The following DENND1A variants were observed in gnomAD, a reference collection of about 807,000 sequenced individuals.
DENND1A encodes DENN domain-containing protein 1A.
Under a neutral mutation model 113.7 loss-of-function variants are expected in DENND1A, and 51 were observed. The observed-to-expected ratio is 0.45, with a 90% CI of 0.36 to 0.57. The LOEUF (loss-of-function observed/expected upper bound fraction) is 0.57, where lower values mean the gene tolerates loss of function less well. Ranked by LOEUF, DENND1A falls within the 20% of genes least tolerant of loss-of-function variation. DENND1A has a pLI of 0.00. For synonymous variants in DENND1A, 565 were observed against 570.8 expected, an observed-to-expected ratio of 0.99 and a Z score of 0.14; for missense variants, 1,258 against 1,395.9, an observed-to-expected ratio of 0.90 and a Z score of 1.57.
At chr9:123,787,461 T>C (rs1832356096) in intron 3 of DENND1A, among the ~76,000 whole-genome samples, 1 of 152,196 alleles carries the variant, frequency 6.6e-6, no homozygotes, top group African/African-American at 2.4e-5. Context: ...AACATACAAG[T>C]TGCAAGTCTT....
chr9:123,859,260 T>C (rs1459766296), intron 2 of DENND1A, among the ~76,000 whole-genome samples: 1 of 152,176 alleles, frequency 6.6e-6, no homozygotes, highest in Admixed American at 6.5e-5. Flanking sequence ...TTTTAGTCAT[T>C]AAAACACAAA....
chr9:123,568,487 C>T (rs1399994468), intron 12 of DENND1A, among the ~76,000 whole-genome samples: 2 of 152,232 alleles, frequency 1.3e-5, no homozygotes, highest in Non-Finnish European at 2.9e-5. Context: ...TTTATTTTAG[C>T]ATCGAAAAGA....
intron 2 of DENND1A, among the ~76,000 whole-genome samples, chr9:123,841,519 C>T (rs1841834874): frequency 6.6e-6 from 1 of 151,956 alleles, no homozygotes. Context: ...TGATCACTAC[C>T]CTCACAGAGT....
At chr9:123,681,669 T>A (rs369070339) in intron 5 of DENND1A, among the ~76,000 whole-genome samples, 2 of 152,180 alleles carry the variant, frequency 1.3e-5, no homozygotes, top group African/African-American at 2.4e-5. Flanking sequence ...GGCATCATGA[T>A]GTTCAGTAGA....
rs572888866 is a variant in DENND1A, at chr9:123,553,404, C to A, written c.993+4166G>T. On this transcript the variant is annotated intron_variant, in intron 13 of 23. Transcript: ENST00000394215. Reference sequence around the variant, plus strand: ...ACATTTGCCTTTTTAAAAGCCGCCCCCCCCCCGCTCCTCATCCCTCCGTGA... The same window carrying A: ...ACATTTGCCTTTTTAAAAGCCGCCCACCCCCCGCTCCTCATCCCTCCGTGA... 2.6e-5 allele frequency among the ~76,000 whole-genome samples: 4 copies of A among 151,452 alleles called. 1 individual carries two copies. In the East Asian group the frequency reaches 5.8e-4, roughly 22 times the overall value.
chr9:123,742,916 A>G (rs1226939298), intron 5 of DENND1A, among the ~76,000 whole-genome samples: 1 of 152,240 alleles, frequency 6.6e-6, no homozygotes, highest in Non-Finnish European at 1.5e-5. Flanking sequence ...AACATCTCTG[A>G]AATCAAAATG....
chr9:123,549,470 G>A (rs887395048), intron 13 of DENND1A, among the ~76,000 whole-genome samples: 1 of 152,014 alleles, frequency 6.6e-6, no homozygotes, highest in Non-Finnish European at 1.5e-5. Context: ...GAGCCACCGC[G>A]AGGCTGAGTC....
intron 5 of DENND1A, among the ~76,000 whole-genome samples, chr9:123,696,306 C>T (rs555207030): frequency 6.6e-6 from 1 of 152,294 alleles, no homozygotes; most frequent in East Asian, 1.9e-4. Flanking sequence ...AGTTCCTGTA[C>T]TTTAAATTAT....
chr9:123,824,774 GAAAAT>G (rs1395024021), intron 2 of DENND1A, among the ~76,000 whole-genome samples: 2 of 152,026 alleles, frequency 1.3e-5, no homozygotes, highest in East Asian at 1.9e-4. Flanking sequence ...TAAATGATTA[GAAAAT>G]AAAATAAAAC....
At chr9:123,393,171 A>G (rs2042942266) in intron 21 of DENND1A, among the ~76,000 whole-genome samples, 1 of 152,234 alleles carries the variant, frequency 6.6e-6, no homozygotes, top group Admixed American at 6.5e-5. Context: ...AAATGCACGT[A>G]TTCGTAAAGG....
rs1184025042 is a variant in DENND1A, at chr9:123,591,728, C to A, written c.766-8458G>T. 5.3e-5 allele frequency among the ~76,000 whole-genome samples: 8 copies of A among 152,344 alleles called. No homozygotes were observed. The East Asian group carries it at 1.2e-3, about 22-fold the overall frequency. ...AACGACTGTGGCTAGATCCACTCTA[C>A]TGGGAGGTCTGCCTGGCAGCAGATG... is the stretch of plus-strand genomic sequence containing the variant. On this transcript the variant is annotated intron_variant, in intron 11 of 23. Transcript: ENST00000394215.
At chr9:123,796,056 T>C (rs996568240) in intron 2 of DENND1A, among the ~76,000 whole-genome samples, 1 of 152,150 alleles carries the variant, frequency 6.6e-6, no homozygotes, top group Non-Finnish European at 1.5e-5. Flanking sequence ...AAAATCAATG[T>C]CATCAACTCC....
At chr9:123,629,696 A>G (rs1349038630) in intron 10 of DENND1A, among the ~76,000 whole-genome samples, 1 of 152,238 alleles carries the variant, frequency 6.6e-6, no homozygotes, top group African/African-American at 2.4e-5. Context: ...TTCACTGAAC[A>G]GTGAAATTCT....
intron 13 of DENND1A, among the ~76,000 whole-genome samples, chr9:123,473,973 G>A (rs573203641): frequency 5.2e-4 from 75 of 143,096 alleles, no homozygotes; most frequent in Middle Eastern, 3.7e-3. Flanking sequence ...ATGGGGTAAC[G>A]TTTACTTTCT....
intron 19 of DENND1A, among the ~76,000 whole-genome samples, chr9:123,418,751 G>A (rs1481634020): frequency 6.6e-6 from 1 of 152,256 alleles, no homozygotes; most frequent in South Asian, 2.1e-4. Context: ...TGCAGGGAAC[G>A]AGGGCTGCTA....
intron 13 of DENND1A, chr9:123,485,656 G>GCGCGCGCGCGCACACA (rs765633751): frequency 1.4e-5 from 2 of 141,156 alleles, no homozygotes; most frequent in African/African-American, 5.8e-5. Flanking sequence ...GCGCGCGCGC[G>GCGCGCGCGCGCACACA]CACACACACA....
At chr9:123,922,229 C>T (rs953332455) in intron 1 of DENND1A, among the ~76,000 whole-genome samples, 24 of 152,254 alleles carry the variant, frequency 1.6e-4, no homozygotes, top group African/African-American at 4.3e-4. Context: ...CCACCACGCC[C>T]GGCCTGTCAT....
At chr9:123,696,897 C>A (rs2065556592) in intron 5 of DENND1A, among the ~76,000 whole-genome samples, 1 of 152,116 alleles carries the variant, frequency 6.6e-6, no homozygotes, top group African/African-American at 2.4e-5. Flanking sequence ...AATAAGAACA[C>A]AACTAAAAAG....
At chr9:123,384,045 G>T (rs2130886615) in intron 22 of DENND1A, 132 bp from the exon 23 acceptor site, 1 of 1,227,356 alleles carries the variant, frequency 8.1e-7, no homozygotes, top group Non-Finnish European at 1.1e-6. Flanking sequence ...GTGTCCCGGG[G>T]TCTCCGTGAG....
Sources: allele counts gnomAD v4.1 joint callset (sites outside exome capture counted in the v4.1 genomes callset), GRCh38; gene constraint gnomAD v4.1.1; transcripts MANE v1.5; gene names NCBI Gene and HGNC (gene_info 2026-07-23, HGNC 2026-07-21).